The following PAX3 variants were observed in gnomAD, a reference collection of about 807,000 sequenced individuals.
PAX3 encodes the protein paired box protein Pax-3.
In PAX3, 14 loss-of-function variants were observed where a neutral mutation model predicts 51.6. The observed-to-expected ratio is 0.27, with a 90% confidence interval of 0.18 to 0.42. The LOEUF (loss-of-function observed/expected upper bound fraction) is 0.42. PAX3 is among the 10% of genes least tolerant of loss of function. The pLI is 1.00. For missense variants in PAX3, 540 were observed against 642.8 expected (o/e 0.84, Z 1.73); for synonymous variants, 280 against 253.4 (o/e 1.11, Z -1.00).
chr2:222,214,957 GA>G (rs1691895780), intron 7 of PAX3: 1 of 151,980 alleles, frequency 6.6e-6, no homozygotes, highest in South Asian at 2.1e-4. Flanking sequence ...TCATAAACCA[GA>G]AACTAAAATC....
At chr2:222,208,011 A>C (rs1199424247) in intron 7 of PAX3, among the ~76,000 whole-genome samples, 1 of 151,440 alleles carries the variant, frequency 6.6e-6, no homozygotes, top group Non-Finnish European at 1.5e-5. Flanking sequence ...GTGTATATAT[A>C]TATATATATA....
At chr2:222,252,171 A>G (rs1229973804) in intron 4 of PAX3, among the ~76,000 whole-genome samples, 1 of 152,146 alleles carries the variant, frequency 6.6e-6, no homozygotes, top group African/African-American at 2.4e-5. Context: ...ATCCATTCCT[A>G]TATTTTCTAT....
In PAX3 at chr2:222,200,826, T is replaced by C; in HGVS notation, c.*582A>G. On this transcript the variant is annotated 3_prime_UTR_variant, in exon 9 of 9. Coordinates refer to ENST00000392070, the MANE Select transcript of PAX3 (RefSeq NM_181458.4). ...ATTTATTTAGGAGGTCCTTTACAGC[T>C]AGTCTAGCTTCCTAAAAATGGTTGC... 2.8e-6 allele frequency: 1 copy of C among 360,684 alleles called. No individual in the cohort carries two copies. Among genetic ancestry groups the C allele is most frequent in the Non-Finnish European group, 5.1e-6 (1 of 197,000 alleles). The allele number at this position is 360,684 out of a possible 1,614,324, so 22.3% of individuals were successfully genotyped here. A position where few individuals can be genotyped will look rare whatever the true frequency, so the allele number is the denominator to read the frequency against.
chr2:222,285,091 G>A (rs1694786771), intron 4 of PAX3, among the ~76,000 whole-genome samples: 1 of 152,102 alleles, frequency 6.6e-6, no homozygotes. Context: ...GGCCAAGTGG[G>A]GATTCATAAA....
At chr2:222,280,235 G>T (rs551415672) in intron 4 of PAX3, among the ~76,000 whole-genome samples, 1 of 146,280 alleles carries the variant, frequency 6.8e-6, no homozygotes, top group Admixed American at 7.0e-5. Context: ...AAGAGAGAGA[G>T]GGAGAAAGAA....
intron 8 of PAX3, 22 bp downstream of exon 8, chr2:222,201,922 C>T: frequency 6.2e-7 from 1 of 1,614,012 alleles, no homozygotes; most frequent in East Asian, 2.2e-5. Flanking sequence ...AGAAATTGCC[C>T]CCTAAAAAGT....
At chr2:222,285,843 T>G (rs1237659339) in intron 4 of PAX3, among the ~76,000 whole-genome samples, 1 of 152,228 alleles carries the variant, frequency 6.6e-6, no homozygotes, top group Non-Finnish European at 1.5e-5. Context: ...TCCTGTAAAT[T>G]TTTAAATGCT....
At chr2:222,235,898 C>T (rs1692781676) in intron 4 of PAX3, among the ~76,000 whole-genome samples, 1 of 152,170 alleles carries the variant, frequency 6.6e-6, no homozygotes, top group South Asian at 2.1e-4. Flanking sequence ...TATTCAAAAG[C>T]AATGGAAAGG....
At chr2:222,244,322 A>G (rs997854457) in intron 4 of PAX3, among the ~76,000 whole-genome samples, 5 of 152,200 alleles carry the variant, frequency 3.3e-5, no homozygotes, top group African/African-American at 1.2e-4. Flanking sequence ...AGGCCAAACT[A>G]CTTCAAATAC....
intron 4 of PAX3, among the ~76,000 whole-genome samples, chr2:222,277,569 C>T (rs1017212816): frequency 6.6e-6 from 1 of 152,146 alleles, no homozygotes; most frequent in African/African-American, 2.4e-5. Context: ...TTGTTCAACC[C>T]GTGGCTCACG....
Position 222,233,611 on chromosome 2 carries a change from T to A in PAX3, c.587-1328A>T, listed in dbSNP as rs557470093. 8.5e-5 allele frequency among the ~76,000 whole-genome samples: 13 copies of A among 152,078 alleles called. 2 individuals carry two copies. In the South Asian group the frequency reaches 2.7e-3, roughly 32 times the overall value. On this transcript the variant is annotated intron_variant, in intron 4 of 8. Coordinates refer to ENST00000392070, the MANE Select transcript of PAX3 (RefSeq NM_181458.4). ...GTTCTGCAGTGTGAGGGAGAATGCATCAGACCAGGGCTACAGGCAGGAAGA... is the reference window on the plus strand; with the variant it reads ...GTTCTGCAGTGTGAGGGAGAATGCAACAGACCAGGGCTACAGGCAGGAAGA...
intron 4 of PAX3, among the ~76,000 whole-genome samples, chr2:222,290,365 G>A (rs1044320742): frequency 6.6e-6 from 1 of 152,162 alleles, no homozygotes; most frequent in Admixed American, 6.5e-5. Context: ...TTTTAAGAAA[G>A]CACTCTTTTT....
chr2:222,222,851 T>C (rs1239149636), intron 5 of PAX3, among the ~76,000 whole-genome samples: 3 of 152,112 alleles, frequency 2.0e-5, no homozygotes, highest in African/African-American at 4.8e-5. Context: ...AAACTTCACA[T>C]TTGGAAGCAC....
At chr2:222,244,734 CAAAA>C (rs35127003) in intron 4 of PAX3, among the ~76,000 whole-genome samples, 111 of 109,660 alleles carry the variant, frequency 1.0e-3, no homozygotes, top group Non-Finnish European at 1.3e-3. Flanking sequence ...TATTGTTCAC[CAAAA>C]AAAAAAAAAA....
intron 7 of PAX3, among the ~76,000 whole-genome samples, chr2:222,219,179 G>A (rs1044332392): frequency 6.6e-6 from 1 of 152,094 alleles, no homozygotes; most frequent in East Asian, 1.9e-4. Flanking sequence ...GAGTATAATT[G>A]TCTTTTCACT....
intron 4 of PAX3, among the ~76,000 whole-genome samples, chr2:222,270,729 G>A (rs1489406398): frequency 1.3e-5 from 2 of 152,170 alleles, no homozygotes; most frequent in East Asian, 3.9e-4. Context: ...ACAGACATCA[G>A]AACAATGTGA....
intron 4 of PAX3, among the ~76,000 whole-genome samples, chr2:222,257,774 C>T (rs1460989093): frequency 6.6e-6 from 1 of 152,212 alleles, no homozygotes; most frequent in Non-Finnish European, 1.5e-5. Flanking sequence ...CCTCCTGAGG[C>T]TCAAGGCAGC....
chr2:222,293,624 A>G, intron 4 of PAX3: 1 of 1,613,360 alleles, frequency 6.2e-7, no homozygotes, highest in East Asian at 2.2e-5. Context: ...ACTTCAAACA[A>G]ATCAAACCAG....
rs772131524 is a variant in PAX3, at chr2:222,201,458, C to T, written c.1421-16G>A. The T allele has an allele frequency of 9.9e-6, 16 of 1,613,918 alleles. No homozygotes were observed. The East Asian group carries it at 1.3e-4, about 13-fold the overall frequency. ...TGAAAGGCACCTGTAAGGAAACACA[C>T]GCAGCTTTTTAGGTCATGCTGGGAC... On this transcript the variant is annotated splice_polypyrimidine_tract_variant and intron_variant, in intron 8 of 8. Transcript: ENST00000392070.
Sources: allele counts gnomAD v4.1 joint callset (sites outside exome capture counted in the v4.1 genomes callset), GRCh38; gene constraint gnomAD v4.1.1; transcripts MANE v1.5; gene names NCBI Gene and HGNC (gene_info 2026-07-23, HGNC 2026-07-21).